TAFA5: variants seen among roughly 807,000 people sequenced by gnomAD.
TAFA5 encodes the protein chemokine-like protein TAFA-5.
TAFA5 carries 6 observed loss-of-function variants against 15.3 expected under a neutral mutation model. The observed-to-expected ratio is 0.39, with a 90% CI of 0.21 to 0.77. The LOEUF (loss-of-function observed/expected upper bound fraction) is 0.77, where lower values mean the gene tolerates loss of function less well. TAFA5 is among the 30% of genes least tolerant of loss of function. The probability of loss-of-function intolerance (pLI) is 0.41; values close to 1 mark genes in which losing one functional copy is unlikely to be tolerated. For synonymous variants in TAFA5, 103 were observed against 80.7 expected, an observed-to-expected ratio of 1.28 and a Z score of -1.48; for missense variants, 161 against 193.1, an observed-to-expected ratio of 0.83 and a Z score of 0.98.
chr22:48,622,488 A>G (rs1925875034), intron 1 of TAFA5, among the ~76,000 whole-genome samples: 1 of 152,172 alleles, frequency 6.6e-6, no homozygotes, highest in South Asian at 2.1e-4. Flanking sequence ...TCTGGAGTGA[A>G]GGAGTGGACA....
intron 1 of TAFA5, among the ~76,000 whole-genome samples, chr22:48,646,048 G>A (rs541074931): frequency 1.2e-4 from 18 of 152,288 alleles, no homozygotes; most frequent in South Asian, 2.1e-4. Flanking sequence ...CCGCCTGCTC[G>A]TTCCTCTGTA....
At chr22:48,695,818 C>A (rs1024842166) in intron 2 of TAFA5, among the ~76,000 whole-genome samples, 2 of 152,144 alleles carry the variant, frequency 1.3e-5, no homozygotes, top group South Asian at 2.1e-4. Context: ...GGCCCTCTGG[C>A]GTCACCAGAG....
chr22:48,707,774 G>A lies in TAFA5; in HGVS notation c.320G>A (p.Gly107Asp). ...ATGCTTCCGTGTCTGGAGGGGGAAGGCTGCGACTTGTTAATCAACCGGTCA... is the reference window on the plus strand; with the variant it reads ...ATGCTTCCGTGTCTGGAGGGGGAAGACTGCGACTTGTTAATCAACCGGTCA... Reference protein sequence around the residue: ...CDMLPCLEGEGCDLLINRSGW... With the variant: ...CDMLPCLEGEDCDLLINRSGW... Residue 107 changes from glycine to aspartate, a missense_variant, in exon 3 of 4, where the codon GGC becomes GAC. Coordinates refer to ENST00000402357, the MANE Select transcript of TAFA5 (RefSeq NM_001082967.3). The A allele has an allele frequency of 6.2e-7, 1 of 1,613,950 alleles. No individual in the cohort carries two copies. The highest frequency in any genetic ancestry group is 8.5e-7 in the Non-Finnish European group (1 of 1,179,884).
intron 3 of TAFA5, among the ~76,000 whole-genome samples, chr22:48,709,866 A>G (rs760862998): frequency 1.3e-5 from 2 of 152,204 alleles, no homozygotes; most frequent in Non-Finnish European, 2.9e-5. Context: ...AGCCCCTCCA[A>G]AGGCATCGAG....
intron 2 of TAFA5, among the ~76,000 whole-genome samples, chr22:48,683,809 G>C (rs371786863): frequency 6.6e-6 from 1 of 152,114 alleles, no homozygotes. Context: ...TCATGGGCGC[G>C]GTTTTCCCCA....
chr22:48,586,751 A>G (rs112201415), intron 1 of TAFA5, among the ~76,000 whole-genome samples: 10,642 of 152,272 alleles, frequency 0.07, 442 homozygotes, highest in South Asian at 0.19. Flanking sequence ...GCAGTCTGGA[A>G]TCTTCCATGC....
At chr22:48,569,987 T>C (rs1923529962) in intron 1 of TAFA5, among the ~76,000 whole-genome samples, 1 of 152,238 alleles carries the variant, frequency 6.6e-6, no homozygotes. Flanking sequence ...GCCAGAGGCC[T>C]CCCTGAGGCT....
intron 1 of TAFA5, among the ~76,000 whole-genome samples, chr22:48,613,723 C>T (rs1185875737): frequency 6.6e-6 from 1 of 152,256 alleles, no homozygotes; most frequent in Non-Finnish European, 1.5e-5. Context: ...CTTGTGGCTG[C>T]GCCCCAGCCC....
chr22:48,551,286 G>A (rs1012236686), intron 1 of TAFA5, among the ~76,000 whole-genome samples: 1 of 152,122 alleles, frequency 6.6e-6, no homozygotes, highest in Non-Finnish European at 1.5e-5. Context: ...GTCTGAGCTC[G>A]GGGAGGAAAA....
rs1921652707 is a variant in TAFA5 at position 48,522,870 on chromosome 22, A to G, written c.112+33166A>G. ...CCCTACAGGGCCCTCCAGCTCCAGT[A>G]TATCGTGGGTCTGCTGTCCACCACG... On this transcript the variant is annotated intron_variant, in intron 1 of 3. Transcript: ENST00000402357. 3.9e-5 allele frequency among the ~76,000 whole-genome samples: 6 copies of G among 152,200 alleles called. No homozygotes were observed. The South Asian group carries it at 1.2e-3, about 31-fold the overall frequency.
At chr22:48,593,452 G>T (rs913731777) in intron 1 of TAFA5, among the ~76,000 whole-genome samples, 4 of 152,100 alleles carry the variant, frequency 2.6e-5, no homozygotes, top group African/African-American at 9.7e-5. Context: ...ACCAGGTAGA[G>T]GTTCTGAGCT....
chr22:48,673,274 A>G (rs1401920777), intron 2 of TAFA5, among the ~76,000 whole-genome samples: 1 of 148,646 alleles, frequency 6.7e-6, no homozygotes, highest in African/African-American at 2.4e-5. Flanking sequence ...ATCTCTGCAG[A>G]TGTTTTTTGA....
chr22:48,551,394 C>T (rs578182137), intron 1 of TAFA5, among the ~76,000 whole-genome samples: 27 of 152,300 alleles, frequency 1.8e-4, no homozygotes, highest in African/African-American at 5.5e-4. Context: ...ACAGCAGACC[C>T]GTATCCTCTC....
intron 1 of TAFA5, among the ~76,000 whole-genome samples, chr22:48,583,760 ACGC>A (rs1924201117): frequency 1.1e-4 from 2 of 17,522 alleles, no homozygotes; most frequent in African/African-American, 2.1e-4. Context: ...CACACAGTAC[ACGC>A]CACAGAAAAT....
chr22:48,687,651 C>T (rs1928405648), intron 2 of TAFA5, among the ~76,000 whole-genome samples: 1 of 152,108 alleles, frequency 6.6e-6, no homozygotes, highest in South Asian at 2.1e-4. Flanking sequence ...CACTTGTAAA[C>T]AGGACCATCC....
At chr22:48,716,645 C>T (rs535772218) in intron 3 of TAFA5, among the ~76,000 whole-genome samples, 1 of 152,304 alleles carries the variant, frequency 6.6e-6, no homozygotes, top group African/African-American at 2.4e-5. Flanking sequence ...TGTAACAAAC[C>T]TGCACGTTCT....
At chr22:48,715,447 G>T (rs12170277) in intron 3 of TAFA5, among the ~76,000 whole-genome samples, 1 of 151,846 alleles carries the variant, frequency 6.6e-6, no homozygotes, top group Non-Finnish European at 1.5e-5. Context: ...ACAGGATGGG[G>T]CAGGGAGGCG....
At chr22:48,655,946 T>A (rs1426325873) in intron 2 of TAFA5, among the ~76,000 whole-genome samples, 2 of 147,140 alleles carry the variant, frequency 1.4e-5, no homozygotes, top group Admixed American at 1.4e-4. Flanking sequence ...TTCAAGCAAT[T>A]CTCTGCCTCA....
At chr22:48,579,525 G>A (rs542218151) in intron 1 of TAFA5, among the ~76,000 whole-genome samples, 1 of 152,358 alleles carries the variant, frequency 6.6e-6, no homozygotes, top group African/African-American at 2.4e-5. Context: ...TCCTTAGGGT[G>A]CAGACGACGT....
Sources: allele counts gnomAD v4.1 joint callset (sites outside exome capture counted in the v4.1 genomes callset), GRCh38; gene constraint gnomAD v4.1.1; transcripts MANE v1.5; gene names NCBI Gene and HGNC (gene_info 2026-07-23, HGNC 2026-07-21).